Variants in IL7 observed in about 807,000 individuals in gnomAD.
IL7 encodes interleukin 7.
Under a neutral mutation model 21.6 loss-of-function variants are expected in IL7, and 3 were observed. The ratio of observed to expected loss-of-function variants is 0.14; its 90% CI spans 0.06 to 0.36. The LOEUF is 0.36. Ranked by LOEUF, IL7 falls within the 10% of genes least tolerant of loss-of-function variation. The pLI is 1.00. For synonymous variants in IL7, 62 were observed against 68.1 expected (o/e 0.91, Z 0.44); for missense variants, 175 against 200.2 (o/e 0.87, Z 0.76).
chr8:78,734,982 C>T (rs1811521658), intron 5 of IL7, among the ~76,000 whole-genome samples: 1 of 152,012 alleles, frequency 6.6e-6, no homozygotes, highest in Admixed American at 6.6e-5. Context: ...CTCTTTTTGT[C>T]ATGTATTTAG....
rs749161967 is a variant in IL7 at position 78,804,961 on chromosome 8, T to C, written c.-39A>G. 3 of 1,607,750 alleles carry C rather than the reference T, an allele frequency of 1.9e-6. No individual in the cohort carries two copies. The highest frequency in any genetic ancestry group is 2.6e-6 in the Non-Finnish European group (3 of 1,176,278). ...CGGGCGTAGTCATGATGACCGCAAC[T>C]GGAGCAGGAGCAAGCTCTCACCGCC... On this transcript the variant is annotated 5_prime_UTR_variant, in exon 1 of 6. Coordinates refer to ENST00000263851, the MANE Select transcript of IL7 (RefSeq NM_000880.4).
chr8:78,760,238 T>C lies in IL7; in HGVS notation c.148-20156A>G, dbSNP rs962928902. 4.4e-6 allele frequency: 7 copies of C among 1,604,222 alleles called. No individual in the cohort carries two copies. The African/African-American group carries it at 9.5e-5, about 22-fold the overall frequency. On this transcript the variant is annotated intron_variant, in intron 2 of 5. Coordinates refer to ENST00000263851, the MANE Select transcript of IL7 (RefSeq NM_000880.4). The stretch of plus-strand genomic sequence containing the variant: ...TGTCCACCATTAAATCCAGGTCGTG[T>C]TTTATATCAAAATTTATGTTAAGCA...
At chr8:78,685,452 A>C (rs1809939142) in intron 4 of IL7, among the ~76,000 whole-genome samples, 1 of 152,356 alleles carries the variant, frequency 6.6e-6, no homozygotes, top group African/African-American at 2.4e-5. Context: ...TCAGTAAATT[A>C]AACTGTAATT....
intron 2 of IL7, among the ~76,000 whole-genome samples, chr8:78,765,020 G>T (rs1439329327): frequency 6.6e-6 from 1 of 151,956 alleles, no homozygotes; most frequent in African/African-American, 2.4e-5. Flanking sequence ...CTGAGAAATC[G>T]ACTCACCTAA....
At chr8:78,794,948 C>G (rs549654753) in intron 2 of IL7, among the ~76,000 whole-genome samples, 4 of 152,220 alleles carry the variant, frequency 2.6e-5, no homozygotes, top group Admixed American at 1.3e-4. Flanking sequence ...TTGTACATAT[C>G]AGGCCCTAAA....
intron 3 of IL7, among the ~76,000 whole-genome samples, chr8:78,709,332 G>A (rs890159114): frequency 6.6e-6 from 1 of 152,112 alleles, no homozygotes; most frequent in African/African-American, 2.4e-5. Flanking sequence ...ATTTTTATAT[G>A]AATAGGAAAC....
chr8:78,761,450 C>A (rs1586079256), intron 2 of IL7: 2 of 1,610,118 alleles, frequency 1.2e-6, no homozygotes, highest in Admixed American at 1.7e-5. Flanking sequence ...AGCCTGGCCA[C>A]GACAATACTC....
At chr8:78,706,455 G>A in intron 3 of IL7, among the ~76,000 whole-genome samples, 1 of 152,102 alleles carries the variant, frequency 6.6e-6, no homozygotes, top group Admixed American at 6.6e-5. Context: ...TAGTGGAGTG[G>A]CTTCACAAGG....
At chr8:78,722,725 GAATT>G (rs1811263977) in intron 3 of IL7, among the ~76,000 whole-genome samples, 1 of 151,844 alleles carries the variant, frequency 6.6e-6, no homozygotes, top group South Asian at 2.1e-4. Context: ...ATATGGTAGA[GAATT>G]AATTGGCTTA....
intron 2 of IL7, among the ~76,000 whole-genome samples, chr8:78,767,445 A>T (rs928506984): frequency 6.6e-6 from 1 of 151,704 alleles, no homozygotes; most frequent in Non-Finnish European, 1.5e-5. Flanking sequence ...TTTCTTTGTA[A>T]TTTGAAAGAC....
At chr8:78,710,129 G>A (rs537703623) in intron 3 of IL7, among the ~76,000 whole-genome samples, 3 of 152,186 alleles carry the variant, frequency 2.0e-5, no homozygotes, top group East Asian at 1.9e-4. Context: ...GAAGGCCTGT[G>A]AAAGTATTAT....
intron 2 of IL7, chr8:78,761,427 T>C: frequency 1.2e-6 from 2 of 1,611,942 alleles, no homozygotes; most frequent in Non-Finnish European, 1.7e-6. Flanking sequence ...GAAAATCCAC[T>C]AGAGACAATG....
chr8:78,803,908 G>T (rs1341721872), intron 1 of IL7, among the ~76,000 whole-genome samples: 1 of 152,140 alleles, frequency 6.6e-6, no homozygotes, highest in African/African-American at 2.4e-5. Context: ...AGAGTGGAAA[G>T]AAGTCTTGAT....
At chr8:78,696,583 A>ATGTCTTTTT (rs1810422624) in intron 3 of IL7, among the ~76,000 whole-genome samples, 1 of 152,214 alleles carries the variant, frequency 6.6e-6, no homozygotes. Flanking sequence ...AAGAGAAAGT[A>ATGTCTTTTT]AAATAAAATT....
rs1813925321 is a variant in IL7, at chr8:78,798,146, A to C, written c.73T>G (p.Ser25Ala). The change falls in exon 2 of 6, where the codon TCT becomes GCT. Residue 25 changes from serine to alanine, a missense_variant. Transcript: ENST00000263851. ...TCTTTACCTTCAATATCACAATCAG[A>C]TGATGCTACTGGCAACAGAACAAGG... ...LILVLLPVAS[S>A]DCDIEGKDGK... 6.2e-7 allele frequency: 1 copy of C among 1,611,616 alleles called. No individual in the cohort carries two copies. Among genetic ancestry groups the C allele is most frequent in the Admixed American group, 1.7e-5 (1 of 59,918 alleles).
At chr8:78,689,966 G>T (rs759313688) in intron 3 of IL7, among the ~76,000 whole-genome samples, 32 of 151,994 alleles carry the variant, frequency 2.1e-4, no homozygotes, top group Non-Finnish European at 3.4e-4. Context: ...CTTCAGGCTG[G>T]TATTTGTGTA....
At chr8:78,693,970 C>T (rs976288162) in intron 3 of IL7, among the ~76,000 whole-genome samples, 2 of 152,168 alleles carry the variant, frequency 1.3e-5, no homozygotes, top group Non-Finnish European at 2.9e-5. Context: ...GTTTTCCCAG[C>T]ACCATTTATT....
At chr8:78,750,279 C>T (rs975863073) in intron 2 of IL7, among the ~76,000 whole-genome samples, 6 of 152,046 alleles carry the variant, frequency 3.9e-5, no homozygotes, top group African/African-American at 1.4e-4. Flanking sequence ...GTCACAGGCT[C>T]GCCAAAAGAC....
intron 3 of IL7, among the ~76,000 whole-genome samples, chr8:78,708,568 A>T (rs756711750): frequency 2.0e-4 from 31 of 152,162 alleles, no homozygotes; most frequent in Non-Finnish European, 1.6e-4. Context: ...AATGTAAAAA[A>T]AAGCAATCAA....
Sources: gnomAD v4.1 joint callset for allele counts (sites outside exome capture counted in the v4.1 genomes callset) on GRCh38, gnomAD v4.1.1 for gene constraint, MANE v1.5 for transcripts, NCBI Gene and HGNC (gene_info 2026-07-23, HGNC 2026-07-21) for gene names.